Variants in TTC28 observed in about 807,000 individuals in gnomAD.
TTC28 encodes tetratricopeptide repeat domain 28, also known as tetratricopeptide repeat protein 28.
Under a neutral mutation model 198.0 loss-of-function variants are expected in TTC28, and 61 were observed. The observed-to-expected ratio is 0.31, with a 90% CI of 0.25 to 0.38. TTC28 has a LOEUF of 0.38. TTC28 is among the 10% of genes least tolerant of loss of function. The pLI is 1.00. For synonymous variants in TTC28, 1,171 were observed against 1,297.8 expected (o/e 0.90, Z 2.10); for missense variants, 2,678 against 3,164.0 (o/e 0.85, Z 3.69).
chr22:28,039,381 GA>G (rs551949158), intron 12 of TTC28, among the ~76,000 whole-genome samples: 67 of 152,254 alleles, frequency 4.4e-4, no homozygotes, highest in African/African-American at 1.5e-3. Flanking sequence ...GGACATGGAT[GA>G]AGCTGGAAAC....
intron 5 of TTC28, among the ~76,000 whole-genome samples, chr22:28,173,334 A>T (rs1922861559): frequency 6.6e-6 from 1 of 152,154 alleles, no homozygotes; most frequent in Non-Finnish European, 1.5e-5. Flanking sequence ...CACAGGCTCC[A>T]CCTCAAGCAG....
chr22:28,301,790 G>A (rs2045032906), intron 3 of TTC28, among the ~76,000 whole-genome samples: 3 of 152,156 alleles, frequency 2.0e-5, no homozygotes, highest in Non-Finnish European at 4.4e-5. Context: ...GCTCACACCT[G>A]TAATCCCAGC....
chr22:27,983,719 T>C lies in TTC28; in HGVS notation c.5948A>G (p.Asp1983Gly). Residue 1983 changes from aspartate to glycine, a missense_variant, in exon 23 of 23, where the codon GAC (aspartate) becomes GGC (glycine). This residue lies in a region of TTC28 where 622 missense variants were observed against 656.0 expected (regional missense o/e 0.95). Coordinates refer to ENST00000397906, the MANE Select transcript of TTC28 (RefSeq NM_001145418.2). ...QQPPFSPTGA[D>G]SIASDAISVY... ...AGAGATGGCATCTGAGGCGATGCTG[T>C]CCGCACCGGTGGGAGAGAAGGGGGG... The C allele has an allele frequency of 6.4e-7, 1 of 1,551,460 alleles. No individual in the cohort carries two copies. Among genetic ancestry groups the C allele is most frequent in the Non-Finnish European group, 8.7e-7 (1 of 1,146,898 alleles).
At chr22:28,273,060 A>G (rs1209989405) in intron 5 of TTC28, among the ~76,000 whole-genome samples, 1 of 152,226 alleles carries the variant, frequency 6.6e-6, no homozygotes, top group Non-Finnish European at 1.5e-5. Flanking sequence ...CAATTAAAGG[A>G]CTAAAGCCTA....
chr22:28,516,448 A>G lies in TTC28; in HGVS notation c.381+113104T>C, dbSNP rs1042890663. On this transcript the variant is annotated intron_variant, in intron 2 of 22. Coordinates refer to ENST00000397906, the MANE Select transcript of TTC28 (RefSeq NM_001145418.2). ...ATTAAGAATACTCATCATTGAGTTCATGTCCTTTGCAGGGACATGGATGAA... is the reference window on the plus strand; with the variant it reads ...ATTAAGAATACTCATCATTGAGTTCGTGTCCTTTGCAGGGACATGGATGAA... Among the ~76,000 whole-genome samples, 5 of 152,286 alleles carry G rather than the reference A, an allele frequency of 3.3e-5. No individual in the cohort carries two copies. In the East Asian group the frequency reaches 9.7e-4, roughly 29 times the overall value.
At chr22:28,182,781 A>C (rs1234655980) in intron 5 of TTC28, among the ~76,000 whole-genome samples, 1 of 152,220 alleles carries the variant, frequency 6.6e-6, no homozygotes, top group African/African-American at 2.4e-5. Context: ...CTGTTGAATG[A>C]TTCCAAACCC....
intron 5 of TTC28, among the ~76,000 whole-genome samples, chr22:28,196,017 C>T (rs923649415): frequency 0.022 from 3,304 of 151,828 alleles, 141 homozygotes; most frequent in African/African-American, 0.076. Flanking sequence ...GGAGGCATCA[C>T]GCTACCTGAC....
intron 2 of TTC28, among the ~76,000 whole-genome samples, chr22:28,434,225 T>C (rs1243963597): frequency 6.6e-6 from 1 of 152,232 alleles, no homozygotes; most frequent in African/African-American, 2.4e-5. Context: ...TAAATAATTC[T>C]ACATTCCTTA....
At chr22:28,099,991 G>A (rs1309202844) in intron 9 of TTC28, among the ~76,000 whole-genome samples, 2 of 152,172 alleles carry the variant, frequency 1.3e-5, no homozygotes, top group Non-Finnish European at 2.9e-5. Flanking sequence ...CATTCCTAAC[G>A]GAGACATTGT....
chr22:28,021,522 T>C (rs1938596601), intron 13 of TTC28, among the ~76,000 whole-genome samples: 1 of 152,116 alleles, frequency 6.6e-6, no homozygotes, highest in African/African-American at 2.4e-5. Flanking sequence ...GCCTCCTTGG[T>C]GGCCCTGGGT....
chr22:28,484,067 C>G (rs534049415), intron 2 of TTC28, among the ~76,000 whole-genome samples: 1 of 152,272 alleles, frequency 6.6e-6, no homozygotes, highest in South Asian at 2.1e-4. Context: ...CATCTCCTAT[C>G]ACCCCCAAAG....
At position 28,306,625 on chromosome 22, in the gene TTC28, C is replaced by G; in HGVS notation, c.400G>C (p.Val134Leu). 1 of 1,551,544 alleles carries G rather than the reference C, an allele frequency of 6.4e-7. No homozygotes were observed. Among genetic ancestry groups the G allele is most frequent in the South Asian group, 1.2e-5 (1 of 84,052 alleles). Residue 134 changes from valine (V) to leucine (L), a missense_variant, in exon 3 of 23, where the codon GTT becomes CTT. By Grantham distance (32) the Val-to-Leu change is conservative. Coordinates refer to ENST00000397906, the MANE Select transcript of TTC28 (RefSeq NM_001145418.2). ...KWPKAYFRQG[V>L]ALQYLGRHAD... ...TGACGTCCAAGGTACTGGAGGGCAA[C>G]ACCCTGTCGGAAGTATGCCTAGAAA...
At chr22:27,999,433 C>T in intron 15 of TTC28, 173 bp from the exon 16 acceptor site, 1 of 977,380 alleles carries the variant, frequency 1.0e-6, no homozygotes, top group Non-Finnish European at 1.5e-6. Context: ...GACACAGGTG[C>T]CTAACTTACT....
Position 28,165,775 on chromosome 22 carries a change from C to G in TTC28, c.934-2176G>C, listed in dbSNP as rs895697483. ...CTAGGAAGAAACTGCATCAACTAAC[C>G]AGCAAAATAACCAGCTAGCATCATA... On this transcript the variant is annotated intron_variant, in intron 5 of 22. Coordinates refer to ENST00000397906, the MANE Select transcript of TTC28 (RefSeq NM_001145418.2). Among the ~76,000 whole-genome samples the G allele has an allele frequency of 1.0e-3, 153 of 152,244 alleles. 1 individual carries two copies. The highest frequency in any genetic ancestry group is 3.4e-3 in the African/African-American group (143 of 41,532).
At chr22:28,579,172 G>A (rs182459616) in intron 2 of TTC28, among the ~76,000 whole-genome samples, 22 of 149,210 alleles carry the variant, frequency 1.5e-4, no homozygotes, top group South Asian at 4.2e-4. Context: ...ACAGCTACAC[G>A]TATGTATAGT....
chr22:28,434,096 T>C (rs1002349298), intron 2 of TTC28, among the ~76,000 whole-genome samples: 7 of 152,010 alleles, frequency 4.6e-5, no homozygotes, highest in Non-Finnish European at 1.5e-5. Context: ...GTTGATGAAT[T>C]TACATGACAA....
chr22:28,378,202 C>T (rs2046441347), intron 2 of TTC28, among the ~76,000 whole-genome samples: 1 of 152,008 alleles, frequency 6.6e-6, no homozygotes, highest in Non-Finnish European at 1.5e-5. Flanking sequence ...GAACATTAGC[C>T]AGGCATGGTG....
chr22:28,241,129 T>C (rs1222510223), intron 5 of TTC28, among the ~76,000 whole-genome samples: 2 of 152,062 alleles, frequency 1.3e-5, no homozygotes, highest in Non-Finnish European at 2.9e-5. Flanking sequence ...AACCACATAA[T>C]CAAAGTTCAT....
At chr22:28,075,808 T>C (rs903103044) in intron 12 of TTC28, among the ~76,000 whole-genome samples, 1 of 152,200 alleles carries the variant, frequency 6.6e-6, no homozygotes, top group Non-Finnish European at 1.5e-5. Flanking sequence ...AATCATTGCC[T>C]CACCCCTCAA....
Sources: allele counts gnomAD v4.1 joint callset (sites outside exome capture counted in the v4.1 genomes callset), GRCh38; gene constraint gnomAD v4.1.1; regional missense constraint gnomAD v4.1.1; transcripts MANE v1.5; gene names NCBI Gene and HGNC (gene_info 2026-07-23, HGNC 2026-07-21).